The following CRB1 variants were observed in gnomAD, a reference collection of about 807,000 sequenced individuals.
The protein encoded by CRB1 is protein crumbs homolog 1.
CRB1 carries 83 observed loss-of-function variants against 120.0 expected under a neutral mutation model. The observed-to-expected ratio is 0.69, with a 90% CI of 0.58 to 0.83. The LOEUF is 0.83. CRB1 is among the 40% of genes least tolerant of loss of function. The pLI, the probability that CRB1 is intolerant of heterozygous loss-of-function variation, is 0.00. For synonymous variants in CRB1, 625 were observed against 612.5 expected (o/e 1.02, Z -0.30); for missense variants, 1,699 against 1,687.6 (o/e 1.01, Z -0.12).
chr1:197,409,651 T>C (rs1378477026), intron 5 of CRB1, among the ~76,000 whole-genome samples: 1 of 152,188 alleles, frequency 6.6e-6, no homozygotes, highest in East Asian at 1.9e-4. Context: ...CAACCACAAG[T>C]TGGCTTGGTT....
At chr1:197,404,078 A>T (rs1663206056) in intron 5 of CRB1, among the ~76,000 whole-genome samples, 1 of 152,210 alleles carries the variant, frequency 6.6e-6, no homozygotes, top group South Asian at 2.1e-4. Flanking sequence ...AATAAAATAT[A>T]GTCCTCTGTT....
rs746906894 is a variant in CRB1, at chr1:197,421,824, G to A, written c.1996G>A (p.Val666Ile). Residue 666 changes from valine (V) to isoleucine (I), a missense_variant, in exon 6 of 12, where the codon GTC becomes ATC. Transcript: ENST00000367400. The part of the protein sequence containing the change: ...ENISSGSSLN[V>I]KAGCVRKDWC... ...CATCTCGTCTGGCTCATCATTAAAT[G>A]TCAAGGCAGGCTGTGTGAGAAAGGA... 3.7e-6 allele frequency: 6 copies of A among 1,614,084 alleles called. No homozygotes were observed. The East Asian group carries it at 1.1e-4, about 30-fold the overall frequency.
intron 6 of CRB1, 71 bp downstream of exon 6, chr1:197,422,027 C>G (rs1664360670): frequency 1.7e-5 from 24 of 1,395,766 alleles, no homozygotes; most frequent in Non-Finnish European, 2.4e-5. Flanking sequence ...CAAAAACAGC[C>G]AGACTGCTTC....
chr1:197,328,133 G>A (rs1031843517), intron 1 of CRB1, among the ~76,000 whole-genome samples: 1 of 152,084 alleles, frequency 6.6e-6, no homozygotes, highest in Non-Finnish European at 1.5e-5. Context: ...TACTTTCTCT[G>A]GGAACTAAAT....
chr1:197,275,226 C>G (rs1655135976), intron 1 of CRB1, among the ~76,000 whole-genome samples: 1 of 152,040 alleles, frequency 6.6e-6, no homozygotes, highest in South Asian at 2.1e-4. Flanking sequence ...TGCAAAAACC[C>G]TATTTACAAA....
intron 11 of CRB1, 90 bp downstream of exon 11, chr1:197,442,382 G>A (rs756828475): frequency 2.5e-6 from 4 of 1,608,044 alleles, no homozygotes; most frequent in Admixed American, 1.7e-5. Context: ...TGAATGACGA[G>A]CCAGTTGTTG....
chr1:197,379,584 G>A lies in CRB1; in HGVS notation c.1171+22571G>A, dbSNP rs984516153. Among the ~76,000 whole-genome samples, 7 of 118,234 alleles carry A rather than the reference G, an allele frequency of 5.9e-5. No homozygotes were observed. In the Admixed American group the frequency reaches 6.8e-4, roughly 11 times the overall value. The allele number at this position is 118,234 out of a possible 152,430, so 77.6% of individuals were successfully genotyped here. On this transcript the variant is annotated intron_variant, in intron 5 of 11. Transcript: ENST00000367400. ...CAAAGTGCTGGGATTACAGGCGTGA[G>A]CCACCAAGCCCGGCCCCGGCCAAAA...
intron 5 of CRB1, among the ~76,000 whole-genome samples, chr1:197,405,326 C>A (rs1663298790): frequency 6.6e-6 from 1 of 152,146 alleles, no homozygotes; most frequent in Non-Finnish European, 1.5e-5. Flanking sequence ...GATCCGCCAG[C>A]CTCGGCCTCC....
the CRB1 span, among the ~76,000 whole-genome samples, chr1:197,214,544 G>A: frequency 7.2e-5 from 11 of 152,096 alleles, no homozygotes; most frequent in African/African-American, 2.7e-4. Context: ...ACTATACTAT[G>A]AACAACTATA....
intron 11 of CRB1, among the ~76,000 whole-genome samples, chr1:197,471,201 T>TC (rs1016434724): frequency 1.3e-5 from 2 of 151,978 alleles, no homozygotes; most frequent in African/African-American, 4.8e-5. Flanking sequence ...CAGTTTTTCC[T>TC]CCCCCAGCTA....
At chr1:197,459,940 T>C (rs892832640) in intron 11 of CRB1, among the ~76,000 whole-genome samples, 7 of 151,174 alleles carry the variant, frequency 4.6e-5, no homozygotes, top group Non-Finnish European at 7.4e-5. Flanking sequence ...TTTTGATTTC[T>C]GCTAATTAGA....
At chr1:197,226,640 A>G in the CRB1 span, among the ~76,000 whole-genome samples, 2 of 152,114 alleles carry the variant, frequency 1.3e-5, no homozygotes, top group Non-Finnish European at 1.5e-5. Context: ...ATTAGCATCC[A>G]TAGAAGAAGA....
chr1:197,471,078 GC>G (rs1455193915), intron 11 of CRB1, among the ~76,000 whole-genome samples: 2 of 151,460 alleles, frequency 1.3e-5, no homozygotes, highest in Non-Finnish European at 2.9e-5. Flanking sequence ...AGCTGTTCTA[GC>G]CTCTTCCTTC....
intron 5 of CRB1, among the ~76,000 whole-genome samples, chr1:197,373,086 C>T (rs1661459033): frequency 6.6e-6 from 1 of 152,100 alleles, no homozygotes; most frequent in South Asian, 2.1e-4. Flanking sequence ...CCCTCCATGG[C>T]CATGAAACTA....
upstream of CRB1, among the ~76,000 whole-genome samples, chr1:197,267,667 T>C (rs1654685267): frequency 6.6e-6 from 1 of 152,232 alleles, no homozygotes. Context: ...TGAGAAAATA[T>C]TGTGTATTTA....
At chr1:197,394,142 GACA>G (rs1204336765) in intron 5 of CRB1, among the ~76,000 whole-genome samples, 1 of 151,998 alleles carries the variant, frequency 6.6e-6, no homozygotes, top group Non-Finnish European at 1.5e-5. Flanking sequence ...CCATGCTGGA[GACA>G]ACAAGACCAA....
chr1:197,438,850 C>A, intron 10 of CRB1, 175 bp downstream of exon 10: 1 of 653,904 alleles, frequency 1.5e-6, no homozygotes, highest in Non-Finnish European at 2.5e-6. Context: ...CAGTTTAGGT[C>A]AAAGGGGAGA....
the CRB1 span, among the ~76,000 whole-genome samples, chr1:197,218,560 G>A: frequency 6.6e-6 from 1 of 152,160 alleles, no homozygotes; most frequent in African/African-American, 2.4e-5. Flanking sequence ...TCACTTGAGT[G>A]GAATAAATGT....
chr1:197,252,982 C>A, the CRB1 span, among the ~76,000 whole-genome samples: 1 of 151,990 alleles, frequency 6.6e-6, no homozygotes, highest in Non-Finnish European at 1.5e-5. Context: ...TCTGGAAACA[C>A]CTTCACAGAC....
Sources: allele counts gnomAD v4.1 joint callset (sites outside exome capture counted in the v4.1 genomes callset), GRCh38; gene constraint gnomAD v4.1.1; transcripts MANE v1.5; gene names NCBI Gene and HGNC (gene_info 2026-07-23, HGNC 2026-07-21).